The following SHANK2 variants were observed in gnomAD, a reference collection of about 807,000 sequenced individuals.
SHANK2 encodes the protein SH3 and multiple ankyrin repeat domains 2, also known as SH3 and multiple ankyrin repeat domains protein 2.
SHANK2 carries 43 observed loss-of-function variants against 133.7 expected under a neutral mutation model. That is an observed-to-expected ratio of 0.32 (90% confidence interval 0.25 to 0.41). SHANK2 has a LOEUF of 0.41. Among genes scored for constraint, SHANK2 ranks in the 10% least tolerant of loss-of-function variants. The pLI is 1.00. For synonymous variants in SHANK2, 1,017 were observed against 952.8 expected (o/e 1.07, Z -1.24); for missense variants, 1,994 against 2,235.8 (o/e 0.89, Z 2.18).
At chr11:70,899,018 T>C (rs1462826846) in intron 10 of SHANK2, among the ~76,000 whole-genome samples, 1 of 152,096 alleles carries the variant, frequency 6.6e-6, no homozygotes, top group African/African-American at 2.4e-5. Flanking sequence ...GAAGGCAAAA[T>C]AACCCTGAAA....
chr11:70,758,342 T>G (rs1282811641), intron 14 of SHANK2, among the ~76,000 whole-genome samples: 1 of 152,060 alleles, frequency 6.6e-6, no homozygotes, highest in African/African-American at 2.4e-5. Flanking sequence ...TCGCTCGCCA[T>G]CCACCACTGC....
intron 1 of SHANK2, among the ~76,000 whole-genome samples, chr11:71,251,133 G>A (rs1948171412): frequency 6.8e-6 from 1 of 147,836 alleles, no homozygotes; most frequent in African/African-American, 2.5e-5. Context: ...TGGCTCGAGC[G>A]CCTTCTCAGT....
At chr11:71,205,996 T>C (rs1195309778) in intron 2 of SHANK2, among the ~76,000 whole-genome samples, 4 of 152,090 alleles carry the variant, frequency 2.6e-5, no homozygotes, top group African/African-American at 9.7e-5. Flanking sequence ...ATCGGCCCCA[T>C]CCCCATCCAG....
chr11:70,861,836 A>G (rs1156297422), intron 11 of SHANK2, among the ~76,000 whole-genome samples: 2 of 152,210 alleles, frequency 1.3e-5, no homozygotes, highest in Non-Finnish European at 2.9e-5. Context: ...AAATAAGCAC[A>G]GGAATAAATG....
rs192764990 is a variant in SHANK2 at position 70,874,146 on chromosome 11, T to A, written c.1174+22355A>T. Reference sequence around the variant, plus strand: ...TCTATCCTATCTATCCATATCCATCTATCCATATCTATCTAATCTATCTAC... The same window carrying A: ...TCTATCCTATCTATCCATATCCATCAATCCATATCTATCTAATCTATCTAC... On this transcript the variant is annotated intron_variant, in intron 11 of 25. Coordinates refer to ENST00000601538, the MANE Select transcript of SHANK2 (RefSeq NM_012309.5). 2.6e-5 allele frequency among the ~76,000 whole-genome samples: 4 copies of A among 152,232 alleles called. No individual in the cohort carries two copies. The East Asian group carries it at 7.7e-4, about 29-fold the overall frequency.
chr11:71,203,863 G>A (rs1312110264), intron 2 of SHANK2, among the ~76,000 whole-genome samples: 3 of 152,220 alleles, frequency 2.0e-5, no homozygotes, highest in Non-Finnish European at 4.4e-5. Flanking sequence ...CGAGGCTCAG[G>A]AGCAGGGTGC....
Position 70,502,189 on chromosome 11 carries a change from C to A in SHANK2, c.2278+17G>T. The A allele has an allele frequency of 6.4e-7, 1 of 1,552,894 alleles. No homozygotes were observed. Among genetic ancestry groups the A allele is most frequent in the Non-Finnish European group, 8.7e-7 (1 of 1,147,618 alleles). The stretch of plus-strand genomic sequence containing the variant: ...GGCATGGTGACTGTACAGGGCTGGG[C>A]CGGGTGTGCGACTTACCGAGCTCCT... On this transcript the variant is annotated intron_variant, in intron 19 of 25. Coordinates refer to ENST00000601538, the MANE Select transcript of SHANK2 (RefSeq NM_012309.5).
chr11:70,847,163 G>C (rs901775308), intron 11 of SHANK2, among the ~76,000 whole-genome samples: 8 of 152,212 alleles, frequency 5.3e-5, no homozygotes, highest in Non-Finnish European at 1.2e-4. Context: ...CCCCAGTACA[G>C]GGTCCTGGGA....
At chr11:70,543,061 C>T (rs782714199) in intron 17 of SHANK2, among the ~76,000 whole-genome samples, 4 of 152,092 alleles carry the variant, frequency 2.6e-5, no homozygotes, top group South Asian at 2.1e-4. Flanking sequence ...ACCGGCCTGG[C>T]GTGGGGTGGC....
chr11:71,070,970 C>G lies in SHANK2; in HGVS notation c.1029+4189G>C, dbSNP rs956355035. Among the ~76,000 whole-genome samples the G allele has an allele frequency of 6.4e-4, 97 of 152,294 alleles. 1 individual carries two copies. The highest frequency in any genetic ancestry group is 2.1e-3 in the African/African-American group (86 of 41,556). On this transcript the variant is annotated intron_variant, in intron 9 of 25. Transcript: ENST00000601538. The stretch of plus-strand genomic sequence containing the variant: ...GGGCATGTGGAGTGTGGAGTGATAC[C>G]AAGTCAAGCTCAATACAGATCATCA...
intron 17 of SHANK2, among the ~76,000 whole-genome samples, chr11:70,565,563 G>A (rs1307286508): frequency 6.6e-6 from 1 of 152,118 alleles, no homozygotes; most frequent in African/African-American, 2.4e-5. Context: ...CTTCAATGTG[G>A]ATGTTCTTCC....
At chr11:70,599,089 A>C (rs1554990179) in intron 17 of SHANK2, among the ~76,000 whole-genome samples, 1 of 152,144 alleles carries the variant, frequency 6.6e-6, no homozygotes, top group Non-Finnish European at 1.5e-5. Flanking sequence ...AAAAAAGATA[A>C]TCAGTCGATA....
intron 11 of SHANK2, among the ~76,000 whole-genome samples, chr11:70,849,719 A>G (rs2135461754): frequency 6.6e-6 from 1 of 152,310 alleles, no homozygotes; most frequent in Non-Finnish European, 1.5e-5. Flanking sequence ...AAAATATGCA[A>G]ACAGCAGTGT....
intron 21 of SHANK2, among the ~76,000 whole-genome samples, chr11:70,497,973 G>A (rs1213239200): frequency 2.0e-5 from 3 of 152,262 alleles, no homozygotes; most frequent in Non-Finnish European, 2.9e-5. Flanking sequence ...AGAGTGCCCA[G>A]CTGTTTGCCT....
chr11:70,705,948 T>C (rs1411389245), intron 14 of SHANK2: 1 of 152,294 alleles, frequency 6.6e-6, no homozygotes, highest in Non-Finnish European at 1.5e-5. Context: ...AATCAGGTGA[T>C]TTTCAACTCT....
intron 11 of SHANK2, among the ~76,000 whole-genome samples, chr11:70,860,499 T>A (rs1277659385): frequency 1.3e-5 from 2 of 152,228 alleles, no homozygotes; most frequent in Non-Finnish European, 2.9e-5. Context: ...ATTTCGTCTG[T>A]CCATCTTCAA....
chr11:70,567,188 G>C (rs1049668863), intron 17 of SHANK2, among the ~76,000 whole-genome samples: 2 of 152,166 alleles, frequency 1.3e-5, no homozygotes, highest in Non-Finnish European at 2.9e-5. Flanking sequence ...GCTAAATTGT[G>C]TCCCTCTTAA....
chr11:70,942,754 C>T (rs1158319682), intron 10 of SHANK2: 1 of 456,120 alleles, frequency 2.2e-6, no homozygotes, highest in African/African-American at 2.0e-5. Context: ...TCACCTTTTG[C>T]ATTTCACAAG....
At chr11:70,480,374 C>G (rs1484691080) in intron 25 of SHANK2, among the ~76,000 whole-genome samples, 1 of 152,220 alleles carries the variant, frequency 6.6e-6, no homozygotes, top group Non-Finnish European at 1.5e-5. Context: ...CTAGTCCGCC[C>G]TTTCTGCATG....
Sources: allele counts gnomAD v4.1 joint callset (sites outside exome capture counted in the v4.1 genomes callset), GRCh38; gene constraint gnomAD v4.1.1; transcripts MANE v1.5; gene names NCBI Gene and HGNC (gene_info 2026-07-23, HGNC 2026-07-21).